Variants in ZNF324B observed in about 807,000 individuals in gnomAD.
The protein encoded by ZNF324B is zinc finger protein 324B.
ZNF324B carries 7 observed loss-of-function variants against 10.6 expected under a neutral mutation model. The observed-to-expected ratio is 0.66, with a 90% CI of 0.38 to 1.24. The LOEUF is 1.24. Ranked by LOEUF, ZNF324B falls within the 50% of genes most tolerant of loss-of-function variation. The pLI is 0.02. For synonymous variants in ZNF324B, 316 were observed against 321.0 expected (o/e 0.98, Z 0.17); for missense variants, 640 against 764.7 (o/e 0.84, Z 1.92).
rs1016680162 is a variant in ZNF324B at position 58,454,947 on chromosome 19, T to C, written c.239-236T>C. On this transcript the variant is annotated intron_variant, in intron 3 of 3. Transcript: ENST00000336614. ...TGCTGTTTTCCTCAGCTTCACATCCTGGGTGTCTGGGGGCTGCCGCCTTGA... is the reference window on the plus strand; with the variant it reads ...TGCTGTTTTCCTCAGCTTCACATCCCGGGTGTCTGGGGGCTGCCGCCTTGA... 33 of 669,040 alleles carry C rather than the reference T, an allele frequency of 4.9e-5. No individual in the cohort carries two copies. The African/African-American group carries it at 5.9e-4, about 12-fold the overall frequency. The allele number at this position is 669,040 out of a possible 1,614,324, so 41.4% of individuals were successfully genotyped here.
the ZNF324B span, among the ~76,000 whole-genome samples, chr19:58,425,411 G>A: frequency 6.7e-6 from 1 of 150,150 alleles, no homozygotes; most frequent in East Asian, 2.0e-4. Context: ...AAACTATCTA[G>A]ACTTAGATTT....
the ZNF324B span, chr19:58,437,763 C>T: frequency 1.0e-6 from 1 of 985,436 alleles, no homozygotes; most frequent in South Asian, 4.7e-5. Context: ...TGGTCCAAGC[C>T]AGCTACAGAG....
At chr19:58,431,973 C>A in the ZNF324B span, among the ~76,000 whole-genome samples, 1 of 151,794 alleles carries the variant, frequency 6.6e-6, no homozygotes, top group Non-Finnish European at 1.5e-5. Context: ...CCAGCTTGGG[C>A]GACAGAGCAA....
chr19:58,420,392 C>G, the ZNF324B span, among the ~76,000 whole-genome samples: 2 of 151,262 alleles, frequency 1.3e-5, no homozygotes, highest in Non-Finnish European at 2.9e-5. Flanking sequence ...ATTCTCCAGC[C>G]TGGGTGACAA....
At chr19:58,431,337 T>G in the ZNF324B span, among the ~76,000 whole-genome samples, 1 of 152,152 alleles carries the variant, frequency 6.6e-6, no homozygotes, top group Non-Finnish European at 1.5e-5. Context: ...TTAGGTGACA[T>G]TCACATAGGC....
chr19:58,456,287 C>T lies in ZNF324B; in HGVS notation c.1343C>T (p.Thr448Met), dbSNP rs1199236275. 4 of 1,612,976 alleles carry T rather than the reference C, an allele frequency of 2.5e-6. No individual in the cohort carries two copies. Among genetic ancestry groups the T allele is most frequent in the African/African-American group, 1.3e-5 (1 of 75,070 alleles). ...SNLTQHQLLH[T>M]GERPFRCVDC... ...CTCACCCAGCACCAGCTCCTGCACA[C>T]GGGCGAGCGGCCCTTCCGCTGCGTG... Residue 448 changes from threonine (T) to methionine (M), a missense_variant, in exon 4 of 4, where the codon ACG (threonine) becomes ATG (methionine). Coordinates refer to ENST00000336614, the MANE Select transcript of ZNF324B (RefSeq NM_207395.3). This position sits in a 1 kb window ranked among gnomAD's most constrained non-coding sequence, Gnocchi z 4.7.
chr19:58,426,902 G>A, the ZNF324B span, among the ~76,000 whole-genome samples: 1 of 152,342 alleles, frequency 6.6e-6, no homozygotes, highest in African/African-American at 2.4e-5. Flanking sequence ...TCTGAAAGCA[G>A]TGGAGCCACT....
At chr19:58,424,240 A>C in the ZNF324B span, among the ~76,000 whole-genome samples, 3 of 152,056 alleles carry the variant, frequency 2.0e-5, no homozygotes, top group East Asian at 5.8e-4. Flanking sequence ...CAAGAGTGAA[A>C]CTCAGTCTCA....
At chr19:58,440,592 C>T in the ZNF324B span, 3 of 152,474 alleles carry the variant, frequency 2.0e-5, no homozygotes, top group Admixed American at 6.5e-5. Context: ...GCACGAGAGT[C>T]GGGGAAGTTC....
At chr19:58,432,969 T>G in the ZNF324B span, 1 of 174,334 alleles carries the variant, frequency 5.7e-6, no homozygotes. Context: ...TGAGCTCAAA[T>G]TAGATTTCCC....
At chr19:58,444,562 T>A in the ZNF324B span, 1 of 152,238 alleles carries the variant, frequency 6.6e-6, no homozygotes, top group African/African-American at 2.4e-5. Flanking sequence ...AGTATGGGCA[T>A]AGGTGTCAAT....
the ZNF324B span, chr19:58,433,686 G>A: frequency 6.2e-7 from 1 of 1,610,186 alleles, no homozygotes; most frequent in Non-Finnish European, 8.5e-7. Flanking sequence ...GATGCTTAAT[G>A]AGAATGGAGT....
At chr19:58,444,897 C>G in the ZNF324B span, 1 of 153,956 alleles carries the variant, frequency 6.5e-6, no homozygotes, top group Non-Finnish European at 1.4e-5. Flanking sequence ...AGAACTCTAC[C>G]TCCTTTGAGC....
chr19:58,454,192 A>T, intron 2 of ZNF324B, 36 bp from the exon 3 acceptor site: 1 of 1,441,592 alleles, frequency 6.9e-7, no homozygotes, highest in Non-Finnish European at 9.8e-7. Flanking sequence ...GGTTGTCTTG[A>T]CCTGGGGCTG....
intron 2 of ZNF324B, 59 bp from the exon 3 acceptor site, chr19:58,454,169 C>T: frequency 9.0e-7 from 1 of 1,114,930 alleles, no homozygotes. Context: ...CTCCTGCTCT[C>T]TGTTGGGAGG....
chr19:58,455,700 T>C lies in ZNF324B; in HGVS notation c.756T>C (p.Ala252=), dbSNP rs1166425669. The change falls in exon 4 of 4, where the codon GCT becomes GCC. Residue 252 remains alanine, a synonymous_variant. Coordinates refer to ENST00000336614, the MANE Select transcript of ZNF324B (RefSeq NM_207395.3). This position sits in a 1 kb window ranked among gnomAD's most constrained non-coding sequence, Gnocchi z 7.0. ...ACGAGCTGGGCGAGGCTCTTCACGC[T>C]GGGGAGAAGTCCTTCGAATGCAGGG... is the stretch of plus-strand genomic sequence containing the variant. The part of the protein sequence containing the change: ...TWDELGEALH[A]GEKSFECRAC... 1.2e-6 allele frequency: 2 copies of C among 1,613,428 alleles called. No homozygotes were observed. The highest frequency in any genetic ancestry group is 1.7e-6 in the Non-Finnish European group (2 of 1,179,892).
Position 58,455,400 on chromosome 19 carries a change from C to A in ZNF324B, c.456C>A (p.Arg152=). The A allele has an allele frequency of 6.2e-7, 1 of 1,614,224 alleles. No individual in the cohort carries two copies. Among genetic ancestry groups the A allele is most frequent in the Non-Finnish European group, 8.5e-7 (1 of 1,180,030 alleles). ...GGGAGAGGCTCCTGCTAGGCTCGCG[C>A]AGTGACCAGGCCAGCATCAGCCTGC... ...IYWERLLLGS[R]SDQASISLRL... is the part of the protein sequence containing the mutation. Residue 152 remains arginine (R), a synonymous_variant, in exon 4 of 4, where the codon CGC becomes CGA. Coordinates refer to ENST00000336614, the MANE Select transcript of ZNF324B (RefSeq NM_207395.3). The surrounding 1 kb of genome is among the most constrained non-coding windows in gnomAD (Gnocchi z 7.0).
chr19:58,436,330 G>C, the ZNF324B span: 3 of 154,208 alleles, frequency 1.9e-5, no homozygotes, highest in Admixed American at 1.3e-4. Context: ...TACTTTAAAA[G>C]GTGAATTGTA....
chr19:58,426,242 A>G, the ZNF324B span, among the ~76,000 whole-genome samples: 2 of 152,160 alleles, frequency 1.3e-5, no homozygotes, highest in African/African-American at 4.8e-5. Flanking sequence ...GGAAATGTCA[A>G]AATTGGGGTC....
Sources: gnomAD v4.1 joint callset for allele counts (sites outside exome capture counted in the v4.1 genomes callset) on GRCh38, gnomAD v4.1.1 for gene constraint, Gnocchi (gnomAD v3.1) non-coding constraint, MANE v1.5 for transcripts, NCBI Gene and HGNC (gene_info 2026-07-23, HGNC 2026-07-21) for gene names.